The following KLHL21 variants were observed in gnomAD, a reference collection of about 807,000 sequenced individuals.
KLHL21 encodes kelch like family member 21, also known as kelch-like protein 21.
A neutral mutation model predicts 44.1 loss-of-function variants in KLHL21; 42 were observed. The observed-to-expected ratio is 0.95, with a 90% CI of 0.74 to 1.23. The LOEUF is 1.23. Among genes scored for constraint, KLHL21 ranks in the 50% most tolerant of loss-of-function variants. The probability of loss-of-function intolerance (pLI) is 0.00; values close to 1 mark genes in which losing one functional copy is unlikely to be tolerated. For synonymous variants in KLHL21, 524 were observed against 411.6 expected (o/e 1.27, Z -3.31); for missense variants, 918 against 889.1 (o/e 1.03, Z -0.41).
chr1:6,596,449 G>T (rs1028520564), intron 2 of KLHL21, among the ~76,000 whole-genome samples: 1 of 152,080 alleles, frequency 6.6e-6, no homozygotes, highest in Non-Finnish European at 1.5e-5. Flanking sequence ...ACAAAAAAAA[G>T]AAACAAAGAT....
Position 6,591,257 on chromosome 1 carries a change from T to G in KLHL21, c.*2108A>C, listed in dbSNP as rs1640845710. 5.5e-6 allele frequency: 2 copies of G among 361,006 alleles called. No individual in the cohort carries two copies. The highest frequency in any genetic ancestry group is 9.9e-6 in the Non-Finnish European group (2 of 202,544). 22.4% of individuals were successfully genotyped at this position (361,006 alleles called of 1,614,324 possible). On this transcript the variant is annotated 3_prime_UTR_variant, in exon 4 of 4. Transcript: ENST00000377658. ...AGGGTCCTGATGGTGGAGACCTGGG[T>G]AGGTCCGGAGGACAGACACAGGAGA...
Position 6,602,846 on chromosome 1 carries a change from C to T in KLHL21, c.-29G>A. On this transcript the variant is annotated 5_prime_UTR_variant, in exon 1 of 4. Coordinates refer to ENST00000377658, the MANE Select transcript of KLHL21 (RefSeq NM_014851.4). Reference sequence around the variant, plus strand: ...GCCTTCGATAGGTTGTCGAGGACGCCGCGGCCGGGGCCTGCGGAGAGACGC... The same window carrying T: ...GCCTTCGATAGGTTGTCGAGGACGCTGCGGCCGGGGCCTGCGGAGAGACGC... 1 of 1,387,578 alleles carries T rather than the reference C, an allele frequency of 7.2e-7. No individual in the cohort carries two copies. The highest frequency in any genetic ancestry group is 9.3e-7 in the Non-Finnish European group (1 of 1,079,156). The allele number at this position is 1,387,578 out of a possible 1,614,324, so 86.0% of individuals were successfully genotyped here. A position where few individuals can be genotyped will look rare whatever the true frequency, so the allele number is the denominator to read the frequency against.
chr1:6,596,584 C>T (rs1488221356), intron 2 of KLHL21, among the ~76,000 whole-genome samples: 1 of 152,234 alleles, frequency 6.6e-6, no homozygotes, highest in Admixed American at 6.5e-5. Context: ...ATTTACATCT[C>T]GTCTAACTTG....
At chr1:6,599,523 T>A in intron 1 of KLHL21, 71 bp from the exon 2 acceptor site, 1 of 1,460,242 alleles carries the variant, frequency 6.8e-7, no homozygotes, top group Non-Finnish European at 9.2e-7. Context: ...CTCCCGAACT[T>A]CCGCAAGGGC....
rs754040740 is a variant in KLHL21 at position 6,602,485 on chromosome 1, G to T, written c.333C>A (p.Arg111=). The change falls in exon 1 of 4, where the codon CGC becomes CGA. Residue 111 remains arginine (R), a synonymous_variant. Transcript: ENST00000377658. ...CCGGGAACTGCAGCAGGTCGGCGGCGCGCAGCAGCGGCTCAGCGTTGTCGC... is the reference window on the plus strand; with the variant it reads ...CCGGGAACTGCAGCAGGTCGGCGGCTCGCAGCAGCGGCTCAGCGTTGTCGC... ...VSGDNAEPLL[R]AADLLQFPAV... is the part of the protein sequence containing the mutation. The T allele has an allele frequency of 1.3e-6, 2 of 1,555,592 alleles. No homozygotes were observed. Among genetic ancestry groups the T allele is most frequent in the Non-Finnish European group, 1.7e-6 (2 of 1,157,098 alleles).
At position 6,593,462 on chromosome 1, in the gene KLHL21, G is replaced by A. The variant is rs200610008; in HGVS notation, c.1697C>T (p.Thr566Ile). 223 of 1,613,684 alleles carry A rather than the reference G, an allele frequency of 1.4e-4. No individual in the cohort carries two copies. The highest frequency in any genetic ancestry group is 1.8e-4 in the Non-Finnish European group (208 of 1,180,012). The change falls in exon 4 of 4, where the codon ACC (threonine) becomes ATC (isoleucine). Residue 566 changes from threonine (T) to isoleucine (I), a missense_variant. Physicochemically the swap from Thr to Ile is moderately conservative, Grantham distance 89 (BLOSUM62 -1). Transcript: ENST00000377658. ...VSIFRQFMPQ[T>I]FSGGRGFELD... The stretch of plus-strand genomic sequence containing the variant: ...CTCGAAGCCACGCCCACCCGAGAAG[G>A]TCTGGGGCATGAACTGGCGGAAGAT...
At position 6,599,146 on chromosome 1, in the gene KLHL21, G is replaced by C; in HGVS notation, c.1328C>G (p.Pro443Arg). ...CACCAGCGACCACAGGTCGGTGTCC[G>C]GGTCGTAGCACTGCATCACCATGGT... is the stretch of plus-strand genomic sequence containing the variant. Reference protein sequence around the residue: ...KETMVMQCYDPDTDLWSLVDC... With the variant: ...KETMVMQCYDRDTDLWSLVDC... Residue 443 changes from proline (P) to arginine (R), a missense_variant, in exon 2 of 4, where the codon CCG becomes CGG. Coordinates refer to ENST00000377658, the MANE Select transcript of KLHL21 (RefSeq NM_014851.4). 1.2e-6 allele frequency: 2 copies of C among 1,613,980 alleles called. No homozygotes were observed.
rs1171595415 is a variant in KLHL21, at chr1:6,591,009, A to T, written c.*2356T>A. 1 of 398,570 alleles carries T rather than the reference A, an allele frequency of 2.5e-6. No homozygotes were observed. The highest frequency in any genetic ancestry group is 3.6e-5 in the East Asian group (1 of 28,098). The allele number at this position is 398,570 out of a possible 1,614,324, so 24.7% of individuals were successfully genotyped here. A position where few individuals can be genotyped will look rare whatever the true frequency, so the allele number is the denominator to read the frequency against. ...GTAGACAAAGTTCTGTACATGTAAC[A>T]TGTGGCCATGCCCAGGCATCCCAGC... is the stretch of plus-strand genomic sequence containing the variant. On this transcript the variant is annotated 3_prime_UTR_variant, in exon 4 of 4. Coordinates refer to ENST00000377658, the MANE Select transcript of KLHL21 (RefSeq NM_014851.4).
In KLHL21 at chr1:6,599,373, G is replaced by A; in HGVS notation, c.1101C>T (p.Pro367=). ...SSVNEWAEVA[P]MLKAREYHSS... ...TGTGGTACTCGCGGGCCTTCAGCAT[G>A]GGCGCCACCTCCGCCCACTCATTCA... Residue 367 remains proline (P), a synonymous_variant, in exon 2 of 4, where the codon CCC becomes CCT. Transcript: ENST00000377658. 2 of 1,613,726 alleles carry A rather than the reference G, an allele frequency of 1.2e-6. No homozygotes were observed. The highest frequency in any genetic ancestry group is 2.2e-5 in the East Asian group (1 of 44,884).
intron 1 of KLHL21, 51 bp downstream of exon 1, chr1:6,601,746 T>A (rs1195049378): frequency 1.3e-6 from 2 of 1,483,866 alleles, no homozygotes; most frequent in Non-Finnish European, 9.0e-7. Flanking sequence ...TGGGCTCCCG[T>A]ACCGGCGAGG....
chr1:6,602,415 G>C lies in KLHL21; in HGVS notation c.403C>G (p.Leu135Val). The C allele has an allele frequency of 6.3e-7, 1 of 1,596,666 alleles. No individual in the cohort carries two copies. The highest frequency in any genetic ancestry group is 8.5e-7 in the Non-Finnish European group (1 of 1,175,654). ...CGAFLQQQLD[L>V]ANCLDMQDFA... ...TCCTGCATGTCCAGGCAGTTGGCCA[G>C]GTCGAGCTGCTGCTGCAGGAAGGCC... is the stretch of plus-strand genomic sequence containing the variant. Residue 135 changes from leucine to valine, a missense_variant, in exon 1 of 4, where the codon CTG becomes GTG. By Grantham distance (32) the Leu-to-Val change is conservative (BLOSUM62 1). Transcript: ENST00000377658.
chr1:6,593,288 G>T lies in KLHL21; in HGVS notation c.*77C>A. The T allele has an allele frequency of 7.0e-7, 1 of 1,435,974 alleles. No homozygotes were observed. Among genetic ancestry groups the T allele is most frequent in the Non-Finnish European group, 9.3e-7 (1 of 1,072,252 alleles). The allele number at this position is 1,435,974 out of a possible 1,614,324, so 89.0% of individuals were successfully genotyped here. ...CCTCCTGTGAGCCCAACGTGTCCTT[G>T]TGCACAAAGGAGTGGGGCACTGCCC... On this transcript the variant is annotated 3_prime_UTR_variant, in exon 4 of 4. Coordinates refer to ENST00000377658, the MANE Select transcript of KLHL21 (RefSeq NM_014851.4).
chr1:6,602,754 G>A lies in KLHL21; in HGVS notation c.64C>T (p.Leu22=). 1.3e-6 allele frequency: 2 copies of A among 1,509,730 alleles called. No individual in the cohort carries two copies. Among genetic ancestry groups the A allele is most frequent in the Non-Finnish European group, 1.8e-6 (2 of 1,136,606 alleles). 93.5% of individuals were successfully genotyped at this position (1,509,730 alleles called of 1,614,324 possible). Residue 22 remains leucine (L), a synonymous_variant, in exon 1 of 4, where the codon CTG becomes TTG. Coordinates refer to ENST00000377658, the MANE Select transcript of KLHL21 (RefSeq NM_014851.4). ...GCGCGCAGCTGGCTCAGGCCGCGCA[G>A]CAGGCTCAGGGCGTGCGCGGGGTCC... The part of the protein sequence containing the change: ...FSDPAHALSL[L]RGLSQLRAER...
Position 6,599,205 on chromosome 1 carries a change from C to T in KLHL21, c.1269G>A (p.Arg423=). ...CAGCCAGGGAGCCGATGGCATAGAG[C>T]CGGCCACGGCACGCAGTGGTGGAGC... ...DNCSTTACRG[R]LYAIGSLAGK... Residue 423 remains arginine, a synonymous_variant, in exon 2 of 4, where the codon CGG becomes CGA. Transcript: ENST00000377658. 6.2e-7 allele frequency: 1 copy of T among 1,614,122 alleles called. No homozygotes were observed. The highest frequency in any genetic ancestry group is 1.1e-5 in the South Asian group (1 of 91,084).
rs1277126422 is a variant in KLHL21, at chr1:6,595,512, T to C, written c.1473A>G (p.Glu491=). ...EVDVYNPTRN[E]WDKIPSMNQV... is the part of the protein sequence containing the mutation. Reference sequence around the variant, plus strand: ...GATTCATGGACGGGATCTTGTCCCATTCGTTCCTCGTCGGGTTGTACACGT... The same window carrying C: ...GATTCATGGACGGGATCTTGTCCCACTCGTTCCTCGTCGGGTTGTACACGT... The change falls in exon 3 of 4, where the codon GAA becomes GAG. Residue 491 remains glutamate (E), a synonymous_variant. Transcript: ENST00000377658. 2.5e-6 allele frequency: 4 copies of C among 1,614,152 alleles called. No homozygotes were observed. The highest frequency in any genetic ancestry group is 3.4e-6 in the Non-Finnish European group (4 of 1,180,020).
intron 1 of KLHL21, among the ~76,000 whole-genome samples, chr1:6,600,418 T>C (rs1485090815): frequency 1.3e-5 from 2 of 152,206 alleles, no homozygotes; most frequent in Non-Finnish European, 2.9e-5. Flanking sequence ...CCAGGTCTAT[T>C]AGAAACCCCA....
At position 6,599,087 on chromosome 1, in the gene KLHL21, G is replaced by A; in HGVS notation, c.1387C>T (p.Pro463Ser). ...CGQLPPWSFA[P>S]KTATLNGLMY... ...AGTCCGTTTAGAGTCGCAGTCTTGG[G>A]GGCGAAGGACCAGGGCGGGAGCTGG... Residue 463 changes from proline to serine, a missense_variant, in exon 2 of 4, where the codon CCC (proline) becomes TCC (serine). Physicochemically the swap from Pro to Ser is moderately conservative, Grantham distance 74. Transcript: ENST00000377658. 1 of 1,608,486 alleles carries A rather than the reference G, an allele frequency of 6.2e-7. No homozygotes were observed. The highest frequency in any genetic ancestry group is 8.5e-7 in the Non-Finnish European group (1 of 1,177,060).
rs1423014470 is a variant in KLHL21 at position 6,602,056 on chromosome 1, C to G, written c.762G>C (p.Leu254=). Residue 254 remains leucine (L), a synonymous_variant, in exon 1 of 4, where the codon CTG becomes CTC. Coordinates refer to ENST00000377658, the MANE Select transcript of KLHL21 (RefSeq NM_014851.4). ...CCGCCTGGAAGTCGCGCGCCTCGCGCAGCAGGCGCAGGCAGGGTGGGCAGC... is the reference window on the plus strand; with the variant it reads ...CCGCCTGGAAGTCGCGCGCCTCGCGGAGCAGGCGCAGGCAGGGTGGGCAGC... The part of the protein sequence containing the change: ...VARCPPCLRL[L]REARDFQAAR... The G allele has an allele frequency of 2.6e-6, 4 of 1,520,682 alleles. No homozygotes were observed. Among genetic ancestry groups the G allele is most frequent in the East Asian group, 2.6e-5 (1 of 39,176 alleles). 94.2% of individuals were successfully genotyped at this position (1,520,682 alleles called of 1,614,324 possible).
chr1:6,593,905 G>GT, intron 3 of KLHL21: 1 of 1,291,642 alleles, frequency 7.7e-7, no homozygotes, highest in South Asian at 2.7e-5. Flanking sequence ...GCCTCCCCGT[G>GT]TGCAGGTCGT....
Sources: allele counts gnomAD v4.1 joint callset (sites outside exome capture counted in the v4.1 genomes callset), GRCh38; gene constraint gnomAD v4.1.1; transcripts MANE v1.5; gene names NCBI Gene and HGNC (gene_info 2026-07-23, HGNC 2026-07-21).